EGF: variants seen among roughly 807,000 people sequenced by gnomAD.
The protein encoded by EGF is epidermal growth factor, also known as pro-epidermal growth factor.
A neutral mutation model predicts 143.8 loss-of-function variants in EGF; 95 were observed. The ratio of observed to expected loss-of-function variants is 0.66; its 90% CI spans 0.56 to 0.78. The LOEUF is 0.78. EGF is among the 30% of genes least tolerant of loss of function. The pLI is 0.00. For missense variants in EGF, 1,320 were observed against 1,470.9 expected, an observed-to-expected ratio of 0.90 and a Z score of 1.68; for synonymous variants, 510 against 510.5, an observed-to-expected ratio of 1.00 and a Z score of 0.01.
intron 23 of EGF, among the ~76,000 whole-genome samples, chr4:110,010,841 G>A (rs41468551): frequency 2.0e-5 from 3 of 151,998 alleles, no homozygotes; most frequent in Non-Finnish European, 4.4e-5. Context: ...TGGGCGAATC[G>A]CTTGAGCCCA....
intron 1 of EGF, among the ~76,000 whole-genome samples, chr4:109,932,377 A>ATATATATATATATATATATAT (rs1553929849): frequency 4.8e-4 from 59 of 123,900 alleles, no homozygotes; most frequent in African/African-American, 1.3e-3. Context: ...ATATATATAT[A>ATATATATATATATATATATAT]AATTTTTTTT....
Position 110,004,992 on chromosome 4 carries a change from A to T in EGF, c.3291+370A>T, listed in dbSNP as rs566465330. 8.6e-4 allele frequency among the ~76,000 whole-genome samples: 124 copies of T among 143,758 alleles called. 5 individuals are homozygous for T. The South Asian group carries it at 0.027, about 31-fold the overall frequency. The allele number at this position is 143,758 out of a possible 152,430, so 94.3% of individuals were successfully genotyped here. Reference sequence around the variant, plus strand: ...TTAAAAACCCAAGATTGTGCTTCTAATTTATTTTCTTTCTTTCTTTCTTTT... The same window carrying T: ...TTAAAAACCCAAGATTGTGCTTCTATTTTATTTTCTTTCTTTCTTTCTTTT... On this transcript the variant is annotated intron_variant, in intron 22 of 23. Coordinates refer to ENST00000265171, the MANE Select transcript of EGF (RefSeq NM_001963.6).
Position 109,923,179 on chromosome 4 carries a change from A to G in EGF, c.127+9717A>G, listed in dbSNP as rs1026926800. The stretch of plus-strand genomic sequence containing the variant: ...GAATTATATAAAATATTTTTTATGT[A>G]TATTTATATAGCTGTACCTATAGGT... On this transcript the variant is annotated intron_variant, in intron 1 of 23. Transcript: ENST00000265171. Among the ~76,000 whole-genome samples, 12 of 151,512 alleles carry G rather than the reference A, an allele frequency of 7.9e-5. 1 individual carries two copies. Among genetic ancestry groups the G allele is most frequent in the African/African-American group, 2.9e-4 (12 of 40,860 alleles).
intron 16 of EGF, among the ~76,000 whole-genome samples, chr4:109,985,474 C>T (rs1749995461): frequency 6.6e-6 from 1 of 152,368 alleles, no homozygotes; most frequent in South Asian, 2.1e-4. Flanking sequence ...TCAACAAGGG[C>T]TCACCAGCCC....
intron 1 of EGF, among the ~76,000 whole-genome samples, chr4:109,934,795 C>T (rs2881560): frequency 0.12 from 18,897 of 152,174 alleles, 1,683 homozygotes; most frequent in African/African-American, 0.24. Context: ...GCCAGTTTTC[C>T]CAGCACCGTT....
At position 109,945,176 on chromosome 4, in the gene EGF, G is replaced by A. The variant is rs747087585; in HGVS notation, c.841G>A (p.Val281Ile). 1 of 1,614,114 alleles carries A rather than the reference G, an allele frequency of 6.2e-7. No homozygotes were observed. Among genetic ancestry groups the A allele is most frequent in the Non-Finnish European group, 8.5e-7 (1 of 1,180,022 alleles). ...IANKHTGKDM[V>I]RINLHSSFVP... is the part of the protein sequence containing the mutation. ...CAACAAACACACTGGAAAGGACATGGTTAGAATTAACCTCCATTCATCATT... is the reference window on the plus strand; with the variant it reads ...CAACAAACACACTGGAAAGGACATGATTAGAATTAACCTCCATTCATCATT... Residue 281 changes from valine to isoleucine, a missense_variant, in exon 5 of 24, where the codon GTT becomes ATT. By Grantham distance (29) the Val-to-Ile change is conservative. Coordinates refer to ENST00000265171, the MANE Select transcript of EGF (RefSeq NM_001963.6).
rs1212404748 is a variant in EGF, at chr4:109,987,780, A to G, written c.2528A>G (p.Tyr843Cys). The G allele has an allele frequency of 1.2e-6, 2 of 1,613,876 alleles. No homozygotes were observed. The highest frequency in any genetic ancestry group is 1.7e-6 in the Non-Finnish European group (2 of 1,179,882). ...DDCAPVGCSM[Y>C]ARCISEGEDA... ...TGTGCTCCTGTGGGATGCAGCATGT[A>G]TGCTCGGTGTATTTCAGAGGGAGAG... Residue 843 changes from tyrosine to cysteine, a missense_variant, in exon 17 of 24, where the codon TAT (tyrosine) becomes TGT (cysteine). This residue lies in a region of EGF where 1,186 missense variants were observed against 1,313.7 expected (regional missense o/e 0.90). Coordinates refer to ENST00000265171, the MANE Select transcript of EGF (RefSeq NM_001963.6).
intron 2 of EGF, among the ~76,000 whole-genome samples, chr4:109,942,160 C>T (rs1214469340): frequency 6.6e-6 from 1 of 152,216 alleles, no homozygotes; most frequent in Non-Finnish European, 1.5e-5. Flanking sequence ...GTCTAAGAAT[C>T]TGAAGGGTTT....
chr4:109,936,148 A>G (rs1228148256), intron 1 of EGF, among the ~76,000 whole-genome samples: 1 of 152,246 alleles, frequency 6.6e-6, no homozygotes, highest in Non-Finnish European at 1.5e-5. Flanking sequence ...TACCTCTGGT[A>G]GAATTCGACT....
chr4:109,975,814 A>G (rs752117451), intron 12 of EGF, among the ~76,000 whole-genome samples, 198 bp from the exon 13 acceptor site: 10 of 152,230 alleles, frequency 6.6e-5, no homozygotes, highest in Non-Finnish European at 1.3e-4. Context: ...CTTTTCGAAG[A>G]TGCTTTACAT....
chr4:109,919,287 GTCTCTCTCTCTCTCTCTCTCTCTCTC>G (rs58110007), intron 1 of EGF, among the ~76,000 whole-genome samples: 3 of 75,842 alleles, frequency 4.0e-5, no homozygotes, highest in East Asian at 3.4e-4. Context: ...ATGCTTCTCT[GTCTCTCTCTCTCTCTCTCTCTCTCTC>G]TCTCTCTCTC....
Position 110,011,391 on chromosome 4 carries a change from C to T in EGF, c.3560C>T (p.Ser1187Leu), listed in dbSNP as rs751876156. Reference protein sequence around the residue: ...GGVEKPHSLLSANPLWQQRAL... With the variant: ...GGVEKPHSLLLANPLWQQRAL... ...GTCGAGAAGCCCCATTCTCTCCTAT[C>T]AGCTAACCCATTATGGCAACAAAGG... The change falls in exon 24 of 24, where the codon TCA (serine) becomes TTA (leucine). Residue 1187 changes from serine (S) to leucine (L), a missense_variant. By Grantham distance (145) the Ser-to-Leu change is moderately radical. Coordinates refer to ENST00000265171, the MANE Select transcript of EGF (RefSeq NM_001963.6). 4.3e-6 allele frequency: 7 copies of T among 1,614,080 alleles called. No homozygotes were observed. In the South Asian group the frequency reaches 7.7e-5, roughly 18 times the overall value.
chr4:109,952,186 C>T (rs1744048289), intron 5 of EGF, among the ~76,000 whole-genome samples: 1 of 152,180 alleles, frequency 6.6e-6, no homozygotes, highest in Non-Finnish European at 1.5e-5. Flanking sequence ...TCAAGTTCAA[C>T]TTCTGGGGAT....
chr4:109,951,514 A>T (rs1244513553), intron 5 of EGF, among the ~76,000 whole-genome samples: 1 of 152,158 alleles, frequency 6.6e-6, no homozygotes, highest in African/African-American at 2.4e-5. Flanking sequence ...ATTTGAAATA[A>T]CCCATCTAAG....
intron 5 of EGF, among the ~76,000 whole-genome samples, chr4:109,946,492 A>T (rs1346391041): frequency 2.0e-5 from 3 of 152,122 alleles, no homozygotes; most frequent in Non-Finnish European, 4.4e-5. Flanking sequence ...CTTAAATGTC[A>T]TGTGCTCAGA....
At chr4:109,947,971 A>G (rs1743129322) in intron 5 of EGF, among the ~76,000 whole-genome samples, 1 of 152,196 alleles carries the variant, frequency 6.6e-6, no homozygotes, top group South Asian at 2.1e-4. Context: ...AAAATTTCCT[A>G]TCATCAATCT....
intron 10 of EGF, among the ~76,000 whole-genome samples, chr4:109,964,747 A>T (rs1746277710): frequency 1.3e-5 from 2 of 152,150 alleles, no homozygotes; most frequent in African/African-American, 2.4e-5. Context: ...CCTTGCTACG[A>T]TTAGCCGTTT....
chr4:109,914,278 G>A (rs901204153), intron 1 of EGF, among the ~76,000 whole-genome samples: 46 of 151,772 alleles, frequency 3.0e-4, no homozygotes, highest in African/African-American at 1.1e-3. Flanking sequence ...TTGATGAGAG[G>A]TTATAGCTGC....
intron 11 of EGF, among the ~76,000 whole-genome samples, chr4:109,973,672 T>C (rs1372392499): frequency 6.6e-6 from 1 of 151,126 alleles, no homozygotes; most frequent in Non-Finnish European, 1.5e-5. Context: ...ACCCTTTCTC[T>C]TCCCCTCCCA....
Sources: gnomAD v4.1 joint callset for allele counts (sites outside exome capture counted in the v4.1 genomes callset) on GRCh38, gnomAD v4.1.1 for gene constraint, gnomAD v4.1.1 regional missense constraint, MANE v1.5 for transcripts, NCBI Gene and HGNC (gene_info 2026-07-23, HGNC 2026-07-21) for gene names.